The following PGGT1B variants were observed in gnomAD, a reference collection of about 807,000 sequenced individuals.
PGGT1B encodes protein geranylgeranyltransferase type I subunit beta.
PGGT1B carries 30 observed loss-of-function variants against 46.1 expected under a neutral mutation model. That is an observed-to-expected ratio of 0.65 (90% CI 0.49 to 0.88). The LOEUF is 0.88. PGGT1B is among the 40% of genes least tolerant of loss of function. PGGT1B has a pLI of 0.00. For missense variants in PGGT1B, 376 were observed against 455.9 expected (o/e 0.82, Z 1.60); for synonymous variants, 170 against 160.0 (o/e 1.06, Z -0.47).
In PGGT1B at chr5:115,209,729, A is replaced by T. The variant is rs1756167933; in HGVS notation, c.*2673T>A. 1 of 152,168 alleles carries T rather than the reference A, an allele frequency of 6.6e-6. No individual in the cohort carries two copies. The highest frequency in any genetic ancestry group is 2.4e-5 in the African/African-American group (1 of 41,450). The allele number at this position is 152,168 out of a possible 1,614,324, so 9.4% of individuals were successfully genotyped here. A position where few individuals can be genotyped will look rare whatever the true frequency, so the allele number is the denominator to read the frequency against. On this transcript the variant is annotated 3_prime_UTR_variant, in exon 9 of 9. Transcript: ENST00000419445. ...CTGTTGTAGAAGAGAGGTTTTAATT[A>T]CAAAAATAATTTTATGATCATTATA...
At chr5:115,244,480 A>AAAAAAG (rs1747720392) in intron 2 of PGGT1B, among the ~76,000 whole-genome samples, 1 of 136,192 alleles carries the variant, frequency 7.3e-6, no homozygotes, top group African/African-American at 3.0e-5. Context: ...AAAAAAAAAA[A>AAAAAAG]AAAAAAAAAA....
chr5:115,262,764 G>A lies in PGGT1B; in HGVS notation c.88C>T (p.Gln30Ter). 6.2e-7 allele frequency: 1 copy of A among 1,613,534 alleles called. No individual in the cohort carries two copies. Among genetic ancestry groups the A allele is most frequent in the Non-Finnish European group, 8.5e-7 (1 of 1,179,770 alleles). ...TCCGGCAAAACCTGGAGGCAGCGCT[G>A]GAAAAATCGCACGTGCCGATCCCGT... ...FLRDRHVRFF[Q>*]RCLQVLPERY... Residue 30 changes from glutamine (Q) to a stop codon, truncating the protein, a stop_gained, in exon 1 of 9, where the codon CAG (glutamine) becomes TAG (stop). Transcript: ENST00000419445. LOFTEE classifies it high-confidence loss of function.
intron 3 of PGGT1B, among the ~76,000 whole-genome samples, chr5:115,239,490 T>G (rs986167125): frequency 1.3e-5 from 2 of 152,230 alleles, no homozygotes; most frequent in Non-Finnish European, 2.9e-5. Context: ...TTAGAATTCC[T>G]ATTGCATATT....
rs1040007856 is a variant in PGGT1B, at chr5:115,224,486, T to C, written c.659-2478A>G. On this transcript the variant is annotated intron_variant, in intron 6 of 8. Coordinates refer to ENST00000419445, the MANE Select transcript of PGGT1B (RefSeq NM_005023.4). ...CATTTACAAAGTCTATGCTTTAACA[T>C]TCATTTACCAACAGGTAAGCCTGTT... Among the ~76,000 whole-genome samples, 6 of 152,334 alleles carry C rather than the reference T, an allele frequency of 3.9e-5. No homozygotes were observed. In the East Asian group the frequency reaches 5.8e-4, roughly 15 times the overall value.
chr5:115,253,769 A>T (rs1748200632), intron 1 of PGGT1B, among the ~76,000 whole-genome samples: 2 of 152,012 alleles, frequency 1.3e-5, no homozygotes, highest in South Asian at 2.1e-4. Context: ...TAAAACATTT[A>T]AAAAAATACA....
intron 2 of PGGT1B, among the ~76,000 whole-genome samples, chr5:115,250,631 T>C (rs995655729): frequency 6.6e-6 from 1 of 152,106 alleles, no homozygotes. Flanking sequence ...TGAGCTGCAA[T>C]TCTAACTCCA....
chr5:115,260,755 C>T (rs1748521921), intron 1 of PGGT1B, among the ~76,000 whole-genome samples: 1 of 152,144 alleles, frequency 6.6e-6, no homozygotes, highest in Non-Finnish European at 1.5e-5. Context: ...TTAACCAATG[C>T]ACCAAGGTGT....
Position 115,230,967 on chromosome 5 carries a change from A to G in PGGT1B, c.658+9T>C. The G allele has an allele frequency of 6.5e-7, 1 of 1,534,404 alleles. No homozygotes were observed. The highest frequency in any genetic ancestry group is 9.0e-7 in the Non-Finnish European group (1 of 1,116,392). On this transcript the variant is annotated intron_variant, in intron 6 of 8. Transcript: ENST00000419445. ...GAAACTACATGTTCACTTATTTAAG[A>G]TGTCTTACCATGAGATTCAAGTCCA...
intron 2 of PGGT1B, among the ~76,000 whole-genome samples, chr5:115,247,423 GA>G (rs1194498225): frequency 6.6e-6 from 1 of 152,102 alleles, no homozygotes; most frequent in African/African-American, 2.4e-5. Context: ...TTTCAAAACT[GA>G]TTTGCTCATG....
rs1045939552 is a variant in PGGT1B, at chr5:115,205,799, A to C, written c.*6603T>G. The C allele has an allele frequency of 1.3e-5, 2 of 151,970 alleles. No homozygotes were observed. The highest frequency in any genetic ancestry group is 4.8e-5 in the African/African-American group (2 of 41,428). The allele number at this position is 151,970 out of a possible 1,614,324, so 9.4% of individuals were successfully genotyped here. A position where few individuals can be genotyped will look rare whatever the true frequency, so the allele number is the denominator to read the frequency against. On this transcript the variant is annotated 3_prime_UTR_variant, in exon 9 of 9. Coordinates refer to ENST00000419445, the MANE Select transcript of PGGT1B (RefSeq NM_005023.4). ...AAAGCAGCTTGGCAAAAACAAAAAC[A>C]TCAAATTTAAATTGTGCACACTTTT...
chr5:115,252,756 T>A (rs978479100), intron 2 of PGGT1B: 1 of 156,838 alleles, frequency 6.4e-6, no homozygotes, highest in African/African-American at 2.4e-5. Context: ...AGAAAACTTT[T>A]CGATGGCAAA....
rs533671502 is a variant in PGGT1B at position 115,217,126 on chromosome 5, A to T, written c.844-153T>A. 6.6e-5 allele frequency among the ~76,000 whole-genome samples: 10 copies of T among 152,268 alleles called. No individual in the cohort carries two copies. The South Asian group carries it at 2.1e-3, about 32-fold the overall frequency. ...CCTTGAGCACTTTTGAAATGAGTAA[A>T]TCACATTAACTTTTTAATTTTCTTA... is the stretch of plus-strand genomic sequence containing the variant. On this transcript the variant is annotated intron_variant, in intron 7 of 8. Transcript: ENST00000419445.
chr5:115,239,347 T>C (rs1561480005), intron 3 of PGGT1B, among the ~76,000 whole-genome samples: 3 of 152,124 alleles, frequency 2.0e-5, no homozygotes, highest in South Asian at 2.1e-4. Flanking sequence ...CCTGGCCAGA[T>C]ATGCAGTTCT....
intron 6 of PGGT1B, among the ~76,000 whole-genome samples, chr5:115,227,936 T>C (rs1189127358): frequency 6.6e-6 from 1 of 152,154 alleles, no homozygotes; most frequent in Non-Finnish European, 1.5e-5. Context: ...AAGTTGCTAA[T>C]TTATGGAGGA....
chr5:115,225,712 C>G (rs2126999442), intron 6 of PGGT1B, among the ~76,000 whole-genome samples: 1 of 147,020 alleles, frequency 6.8e-6, no homozygotes, highest in Middle Eastern at 3.7e-3. Context: ...GTGGTGTGAT[C>G]TCGGCTCACT....
chr5:115,207,180 C>CATATATATATATATATATATATATATGT lies in PGGT1B; in HGVS notation c.*5221_*5222insACATATATATATATATATATATATATAT, dbSNP rs1756090047. 2 of 89,950 alleles carry CATATATATATATATATATATATATATGT rather than the reference C, an allele frequency of 2.2e-5. 1 individual carries two copies. The highest frequency in any genetic ancestry group is 4.7e-5 in the Non-Finnish European group (2 of 42,226). 5.6% of individuals were successfully genotyped at this position (89,950 alleles called of 1,614,324 possible). On this transcript the variant is annotated 3_prime_UTR_variant, in exon 9 of 9. Coordinates refer to ENST00000419445, the MANE Select transcript of PGGT1B (RefSeq NM_005023.4). ...ACTAGTTTAGGTTTGCATATACATA[C>CATATATATATATATATATATATATATGT]ATATATATATATATATATATATATA...
At chr5:115,213,740 C>G (rs910772625) in intron 8 of PGGT1B, among the ~76,000 whole-genome samples, 6 of 152,178 alleles carry the variant, frequency 3.9e-5, no homozygotes, top group Non-Finnish European at 7.4e-5. Context: ...TCACTGCACT[C>G]TAGCCTGGGC....
intron 4 of PGGT1B, among the ~76,000 whole-genome samples, chr5:115,237,217 C>G (rs1018321107): frequency 2.0e-5 from 3 of 152,090 alleles, no homozygotes; most frequent in African/African-American, 7.2e-5. Flanking sequence ...AAAACACTGA[C>G]GGGAAAACAG....
intron 1 of PGGT1B, among the ~76,000 whole-genome samples, chr5:115,262,278 C>T (rs1748592096): frequency 6.6e-6 from 1 of 152,178 alleles, no homozygotes; most frequent in Admixed American, 6.5e-5. Flanking sequence ...AGGTTCTCTG[C>T]CGCTCCTACA....
Sources: gnomAD v4.1 joint callset for allele counts (sites outside exome capture counted in the v4.1 genomes callset) on GRCh38, gnomAD v4.1.1 for gene constraint, MANE v1.5 for transcripts, NCBI Gene and HGNC (gene_info 2026-07-23, HGNC 2026-07-21) for gene names.